Variants in DCC observed in about 807,000 individuals in gnomAD.
The protein encoded by DCC is netrin receptor DCC.
In DCC, 58 loss-of-function variants were observed where a neutral mutation model predicts 172.5. The ratio of observed to expected loss-of-function variants is 0.34; its 90% CI spans 0.27 to 0.42. DCC has a LOEUF of 0.42. DCC is among the 10% of genes least tolerant of loss of function. The pLI is 1.00. For missense variants in DCC, 1,740 were observed against 1,791.0 expected (o/e 0.97, Z 0.51); for synonymous variants, 709 against 644.5 (o/e 1.10, Z -1.52).
intron 1 of DCC, among the ~76,000 whole-genome samples, chr18:52,490,820 A>G (rs1169327576): frequency 1.4e-4 from 21 of 152,130 alleles, no homozygotes; most frequent in Admixed American, 1.3e-3. Flanking sequence ...GAAAAAGAAT[A>G]TGTCTCCAGA....
chr18:52,697,258 A>T (rs1220615619), intron 1 of DCC, among the ~76,000 whole-genome samples: 1 of 152,224 alleles, frequency 6.6e-6, no homozygotes, highest in Non-Finnish European at 1.5e-5. Context: ...GGCAACAAAT[A>T]CAAAGACACA....
rs535971219 is a variant in DCC at position 52,884,457 on chromosome 18, C to T, written c.413-21587C>T. Among the ~76,000 whole-genome samples, 33 of 151,902 alleles carry T rather than the reference C, an allele frequency of 2.2e-4. No individual in the cohort carries two copies. The South Asian group carries it at 3.7e-3, about 17-fold the overall frequency. ...TCAAGTTCACTAATTCTTTCTTCTG[C>T]TCAATCAGTTTTGCTATTAAGGGAC... On this transcript the variant is annotated intron_variant, in intron 2 of 28. Coordinates refer to ENST00000442544, the MANE Select transcript of DCC (RefSeq NM_005215.4).
intron 12 of DCC, among the ~76,000 whole-genome samples, chr18:53,262,701 T>C (rs189215422): frequency 6.6e-6 from 1 of 152,344 alleles, no homozygotes; most frequent in African/African-American, 2.4e-5. Flanking sequence ...TCCCTTAGTC[T>C]TTCATCAGAG....
chr18:52,917,276 G>T (rs1193909668), intron 3 of DCC, among the ~76,000 whole-genome samples: 1 of 152,018 alleles, frequency 6.6e-6, no homozygotes. Flanking sequence ...CTGAGATCAT[G>T]CCACTGCAAC....
At chr18:52,918,800 G>A (rs976552156) in intron 3 of DCC, among the ~76,000 whole-genome samples, 8 of 152,046 alleles carry the variant, frequency 5.3e-5, no homozygotes, top group African/African-American at 1.9e-4. Flanking sequence ...CATTTCAGCA[G>A]TGCAAAAACA....
chr18:53,386,493 A>G (rs964004229), intron 16 of DCC, among the ~76,000 whole-genome samples: 14 of 152,116 alleles, frequency 9.2e-5, no homozygotes, highest in South Asian at 4.1e-4. Context: ...TCTCAAATCA[A>G]TGCCATCTTT....
At chr18:53,411,044 A>G (rs1181217086) in intron 20 of DCC, among the ~76,000 whole-genome samples, 1 of 152,122 alleles carries the variant, frequency 6.6e-6, no homozygotes, top group Non-Finnish European at 1.5e-5. Flanking sequence ...TCCCTTATAT[A>G]TTAAAGAAAA....
At chr18:52,651,119 A>C (rs182641342) in intron 1 of DCC, among the ~76,000 whole-genome samples, 1 of 152,100 alleles carries the variant, frequency 6.6e-6, no homozygotes, top group Non-Finnish European at 1.5e-5. Flanking sequence ...ATACTTTTAC[A>C]TGTATGTATT....
chr18:52,736,525 T>C (rs1225413223), intron 1 of DCC, among the ~76,000 whole-genome samples: 2 of 152,142 alleles, frequency 1.3e-5, no homozygotes, highest in African/African-American at 4.8e-5. Context: ...ACATTTTTCA[T>C]ACTGTTTTTT....
chr18:53,061,807 T>C (rs983927704), intron 5 of DCC, among the ~76,000 whole-genome samples: 1 of 152,102 alleles, frequency 6.6e-6, no homozygotes, highest in African/African-American at 2.4e-5. Flanking sequence ...TAATAGAACC[T>C]GCTTCAGGTA....
chr18:53,514,934 C>T (rs2144559268), intron 27 of DCC, among the ~76,000 whole-genome samples: 1 of 151,288 alleles, frequency 6.6e-6, no homozygotes, highest in Non-Finnish European at 1.5e-5. Context: ...AGGGAATCCT[C>T]CCTAACTCAT....
intron 2 of DCC, among the ~76,000 whole-genome samples, chr18:52,833,716 T>G (rs1032945656): frequency 6.6e-6 from 1 of 152,184 alleles, no homozygotes. Context: ...TTAAAAACTT[T>G]ACTTCCTGAC....
Position 52,903,370 on chromosome 18 carries a change from A to G in DCC, c.413-2674A>G, listed in dbSNP as rs188122858. Among the ~76,000 whole-genome samples the G allele has an allele frequency of 2.1e-3, 315 of 152,112 alleles. 1 individual carries two copies. The highest frequency in any genetic ancestry group is 7.2e-3 in the African/African-American group (299 of 41,504). On this transcript the variant is annotated intron_variant, in intron 2 of 28. Transcript: ENST00000442544. ...CAGGTGTGTGCCACCACACCTGGGTAATTTTTAAAAATTTCTTGTAGCGAC... is the reference window on the plus strand; with the variant it reads ...CAGGTGTGTGCCACCACACCTGGGTGATTTTTAAAAATTTCTTGTAGCGAC...
chr18:52,761,908 C>CAAAAAAAAAAAAAAAAAAA (rs1222086354), intron 2 of DCC, among the ~76,000 whole-genome samples: 7 of 48,316 alleles, frequency 1.4e-4, no homozygotes, highest in African/African-American at 2.4e-4. Flanking sequence ...GACTCTGTCT[C>CAAAAAAAAAAAAAAAAAAA]AAAAAAAAAA....
At chr18:53,315,643 A>T (rs1309723597) in intron 13 of DCC, among the ~76,000 whole-genome samples, 3 of 152,094 alleles carry the variant, frequency 2.0e-5, no homozygotes, top group Non-Finnish European at 2.9e-5. Flanking sequence ...TGACTTTTTA[A>T]TGATCACCAT....
chr18:53,182,376 A>C (rs552769049), intron 9 of DCC, among the ~76,000 whole-genome samples: 2 of 152,306 alleles, frequency 1.3e-5, no homozygotes, highest in South Asian at 4.1e-4. Context: ...TTTGCAGATC[A>C]TTGTTTATTT....
chr18:53,523,807 A>G (rs1414073675), intron 27 of DCC, among the ~76,000 whole-genome samples: 1 of 152,072 alleles, frequency 6.6e-6, no homozygotes, highest in Non-Finnish European at 1.5e-5. Context: ...AATGTAGATG[A>G]CAGGTTGATG....
intron 27 of DCC, among the ~76,000 whole-genome samples, chr18:53,504,239 C>T (rs1187133000): frequency 1.3e-5 from 2 of 152,162 alleles, no homozygotes; most frequent in African/African-American, 2.4e-5. Context: ...CTGAGCCACT[C>T]GTAGGCTGCC....
At chr18:53,291,023 C>T (rs182097717) in intron 12 of DCC, among the ~76,000 whole-genome samples, 2 of 152,018 alleles carry the variant, frequency 1.3e-5, no homozygotes, top group Admixed American at 6.5e-5. Context: ...CAAAAATTAG[C>T]CAGGTGTGGT....
Sources: allele counts gnomAD v4.1 joint callset (sites outside exome capture counted in the v4.1 genomes callset), GRCh38; gene constraint gnomAD v4.1.1; transcripts MANE v1.5; gene names NCBI Gene and HGNC (gene_info 2026-07-23, HGNC 2026-07-21).